FAP: variants seen among roughly 807,000 people sequenced by gnomAD.
FAP encodes the protein prolyl endopeptidase FAP.
FAP carries 110 observed loss-of-function variants against 126.5 expected under a neutral mutation model. That is an observed-to-expected ratio of 0.87 (90% CI 0.74 to 1.02). The LOEUF (loss-of-function observed/expected upper bound fraction) is 1.02. Ranked by LOEUF, FAP falls within the 50% of genes least tolerant of loss-of-function variation. The probability of loss-of-function intolerance (pLI) is 0.00; values close to 1 mark genes in which losing one functional copy is unlikely to be tolerated. For missense variants in FAP, 919 were observed against 909.2 expected (o/e 1.01, Z -0.14); for synonymous variants, 334 against 297.3 (o/e 1.12, Z -1.27).
At position 162,218,139 on chromosome 2, in the gene FAP, C is replaced by A; in HGVS notation, c.609G>T (p.Glu203Asp). ...FNGIPDWVYE[E>D]EMLATKYALW... ...GAGCATATTTTGTAGCAAGCATTTC[C>A]TCTGAAAAATAAGTACTAGGATATT... Residue 203 changes from glutamate to aspartate, a missense_variant and splice_region_variant, in exon 9 of 26, where the codon GAG (glutamate) becomes GAT (aspartate). Physicochemically the swap from Glu to Asp is conservative, Grantham distance 45 (BLOSUM62 2). Coordinates refer to ENST00000188790, the MANE Select transcript of FAP (RefSeq NM_004460.5). The A allele has an allele frequency of 1.3e-6, 2 of 1,594,076 alleles. No individual in the cohort carries two copies. The highest frequency in any genetic ancestry group is 1.7e-6 in the Non-Finnish European group (2 of 1,170,948).
chr2:162,198,414 C>A (rs757095940), intron 16 of FAP: 5 of 1,179,982 alleles, frequency 4.2e-6, no homozygotes, highest in South Asian at 1.4e-5. Context: ...GCCTAGCTGA[C>A]GGGTTGCCTC....
At chr2:162,200,359 T>C (rs1187805173) in intron 15 of FAP, among the ~76,000 whole-genome samples, 1 of 152,228 alleles carries the variant, frequency 6.6e-6, no homozygotes, top group Non-Finnish European at 1.5e-5. Flanking sequence ...TTCTTGTTTT[T>C]TCCTTTTGAA....
chr2:162,215,243 T>TG (rs1442254608), intron 10 of FAP, among the ~76,000 whole-genome samples: 1 of 152,210 alleles, frequency 6.6e-6, no homozygotes, highest in Non-Finnish European at 1.5e-5. Flanking sequence ...GACCCAAGAT[T>TG]GGCCCGCTAG....
chr2:162,194,709 G>A lies in FAP; in HGVS notation c.1442C>T (p.Thr481Ile), dbSNP rs374504692. 3 of 1,613,580 alleles carry A rather than the reference G, an allele frequency of 1.9e-6. No individual in the cohort carries two copies. Among genetic ancestry groups the A allele is most frequent in the Admixed American group, 3.3e-5 (2 of 59,976 alleles). Residue 481 changes from threonine to isoleucine, a missense_variant, in exon 17 of 26, where the codon ACT becomes ATT. Coordinates refer to ENST00000188790, the MANE Select transcript of FAP (RefSeq NM_004460.5). Reference sequence around the variant, plus strand: ...CATGCAAGAGAGAGTACCTTGATCAGTGCGTCCATCATGAAGGGTGGAAAT... The same window carrying A: ...CATGCAAGAGAGAGTACCTTGATCAATGCGTCCATCATGAAGGGTGGAAAT... ...IPISTLHDGR[T>I]DQEIKILEEN...
At chr2:162,178,353 G>C (rs184090885) in intron 21 of FAP, among the ~76,000 whole-genome samples, 164 of 152,248 alleles carry the variant, frequency 1.1e-3, no homozygotes, top group African/African-American at 3.7e-3. Flanking sequence ...TCAGGGTTTT[G>C]CAACTCTGAC....
At chr2:162,186,721 A>G (rs994945889) in intron 20 of FAP, among the ~76,000 whole-genome samples, 6 of 152,130 alleles carry the variant, frequency 3.9e-5, no homozygotes, top group Non-Finnish European at 1.5e-5. Context: ...CCAGGATTAC[A>G]TGTCCTTGAT....
intron 24 of FAP, 75 bp downstream of exon 24, chr2:162,173,074 G>T: frequency 2.9e-6 from 4 of 1,366,274 alleles, no homozygotes; most frequent in Middle Eastern, 1.8e-4. Context: ...AGGCATAGGA[G>T]GATGCTTAAT....
At position 162,171,020 on chromosome 2, in the gene FAP, T is replaced by C. The variant is rs1468357117; in HGVS notation, c.2242A>G (p.Met748Val). 8 of 1,613,332 alleles carry C rather than the reference T, an allele frequency of 5.0e-6. No individual in the cohort carries two copies. The highest frequency in any genetic ancestry group is 1.7e-5 in the Admixed American group (1 of 59,988). The change falls in exon 26 of 26, where the codon ATG becomes GTG. Residue 748 changes from methionine (M) to valine (V), a missense_variant. Coordinates refer to ENST00000188790, the MANE Select transcript of FAP (RefSeq NM_004460.5). Reference protein sequence around the residue: ...GLSTNHLYTHMTHFLKQCFSL... With the variant: ...GLSTNHLYTHVTHFLKQCFSL... The stretch of plus-strand genomic sequence containing the variant: ...AAACACTGCTTTAGGAAGTGGGTCA[T>C]GTGGGTGTATAAGTGGTTCGTGGAC...
intron 12 of FAP, among the ~76,000 whole-genome samples, chr2:162,207,836 G>C (rs1351852989): frequency 6.6e-6 from 1 of 151,534 alleles, no homozygotes; most frequent in Non-Finnish European, 1.5e-5. Context: ...TCAGCCTCCT[G>C]AGTAGCTGGG....
rs557564566 is a variant in FAP at position 162,228,500 on chromosome 2, C to A, written c.92-1879G>T. Among the ~76,000 whole-genome samples, 19 of 152,240 alleles carry A rather than the reference C, an allele frequency of 1.2e-4. No homozygotes were observed. The South Asian group carries it at 3.9e-3, about 32-fold the overall frequency. On this transcript the variant is annotated intron_variant, in intron 2 of 25. Coordinates refer to ENST00000188790, the MANE Select transcript of FAP (RefSeq NM_004460.5). ...GTATGCTCCACACTTTTGATTAGGA[C>A]CATGAGTTTATTTCTTTCCTTAATT... is the stretch of plus-strand genomic sequence containing the variant.
rs750725924 is a variant in FAP, at chr2:162,188,161, G to T, written c.1814+8C>A. 12 of 1,608,852 alleles carry T rather than the reference G, an allele frequency of 7.5e-6. No individual in the cohort carries two copies. Among genetic ancestry groups the T allele is most frequent in the Admixed American group, 1.7e-5 (1 of 59,848 alleles). ...TGTTGACATCTGCTTGAATGAGAAG[G>T]TGCTCACCTGACAGCTGTAATCTGG... On this transcript the variant is annotated splice_region_variant and intron_variant, in intron 20 of 25. Transcript: ENST00000188790.
At chr2:162,196,445 G>A (rs1389927753) in intron 16 of FAP, among the ~76,000 whole-genome samples, 1 of 151,236 alleles carries the variant, frequency 6.6e-6, no homozygotes, top group African/African-American at 2.4e-5. Context: ...TAAATTTCTA[G>A]ACTCTAATCA....
intron 9 of FAP, among the ~76,000 whole-genome samples, chr2:162,216,211 A>G (rs989512538): frequency 3.3e-5 from 5 of 152,176 alleles, no homozygotes; most frequent in African/African-American, 1.2e-4. Context: ...GAGCAAAACT[A>G]TGTGTTTTAA....
intron 18 of FAP, 72 bp downstream of exon 18, chr2:162,189,584 C>T (rs955094824): frequency 3.7e-6 from 3 of 805,250 alleles, no homozygotes; most frequent in Non-Finnish European, 6.2e-6. Context: ...AACATTCACT[C>T]TATGCTTTTT....
At chr2:162,241,715 G>A (rs745738068) in intron 2 of FAP, among the ~76,000 whole-genome samples, 12 of 152,114 alleles carry the variant, frequency 7.9e-5, no homozygotes, top group Non-Finnish European at 1.5e-4. Context: ...TCAGAGATGA[G>A]TCTGAAAACA....
intron 6 of FAP, 26 bp from the exon 7 acceptor site, chr2:162,219,951 C>A: frequency 2.0e-6 from 3 of 1,511,848 alleles, no homozygotes; most frequent in Non-Finnish European, 2.8e-6. Context: ...GAAAGAAAAA[C>A]AACAAACCTT....
At position 162,188,376 on chromosome 2, in the gene FAP, C is replaced by CA. The variant is rs572215742; in HGVS notation, c.1620-14dup. The stretch of plus-strand genomic sequence containing the variant: ...GGGACCACCATACCTAAAGGAAAAA[C>CA]AAAAAAAACAAGAATCTTTGATTGC... On this transcript the variant is annotated splice_polypyrimidine_tract_variant and intron_variant, in intron 19 of 25. Coordinates refer to ENST00000188790, the MANE Select transcript of FAP (RefSeq NM_004460.5). The CA allele has an allele frequency of 1.4e-4, 230 of 1,593,548 alleles. 2 individuals carry two copies. Among genetic ancestry groups the CA allele is most frequent in the East Asian group, 1.1e-3 (51 of 44,652 alleles).
chr2:162,199,824 A>G (rs1688424131), intron 15 of FAP, among the ~76,000 whole-genome samples: 1 of 152,224 alleles, frequency 6.6e-6, no homozygotes, highest in Admixed American at 6.5e-5. Flanking sequence ...GACAGAGGGA[A>G]AATTTCTTAT....
chr2:162,176,416 A>G (rs999689209), intron 21 of FAP: 1 of 152,192 alleles, frequency 6.6e-6, no homozygotes, highest in East Asian at 1.9e-4. Context: ...TCTTTTTATT[A>G]TACTTGGAGG....
Sources: gnomAD v4.1 joint callset for allele counts (sites outside exome capture counted in the v4.1 genomes callset) on GRCh38, gnomAD v4.1.1 for gene constraint, MANE v1.5 for transcripts, NCBI Gene and HGNC (gene_info 2026-07-23, HGNC 2026-07-21) for gene names.